Variants in PLA2G4A observed in about 807,000 individuals in gnomAD.
The protein encoded by PLA2G4A is phospholipase A2 group IVA, also known as cytosolic phospholipase A2.
A neutral mutation model predicts 81.9 loss-of-function variants in PLA2G4A; 40 were observed. The ratio of observed to expected loss-of-function variants is 0.49; its 90% CI spans 0.38 to 0.64. PLA2G4A has a LOEUF of 0.64. PLA2G4A is among the 30% of genes least tolerant of loss of function. The pLI, the probability that PLA2G4A is intolerant of heterozygous loss-of-function variation, is 0.00. For synonymous variants in PLA2G4A, 302 were observed against 296.9 expected, an observed-to-expected ratio of 1.02 and a Z score of -0.18; for missense variants, 715 against 905.1, an observed-to-expected ratio of 0.79 and a Z score of 2.69.
At position 186,956,247 on chromosome 1, in the gene PLA2G4A, G is replaced by A. The variant is rs745961840; in HGVS notation, c.1482G>A (p.Leu494=). The A allele has an allele frequency of 3.1e-6, 5 of 1,613,534 alleles. No individual in the cohort carries two copies. In the Admixed American group the frequency reaches 5.0e-5, roughly 16 times the overall value. Residue 494 remains leucine, a synonymous_variant, in exon 14 of 18, where the codon CTG becomes CTA. Coordinates refer to ENST00000367466, the MANE Select transcript of PLA2G4A (RefSeq NM_024420.3). ...GRAGKVHNFM[L]GLNLNTSYPL... ...CTGGGAAGGTACACAACTTCATGCT[G>A]GGCTTGAATCTCAATACATCTTATC...
At chr1:186,847,032 A>G (rs1473843621) in intron 1 of PLA2G4A, among the ~76,000 whole-genome samples, 1 of 152,008 alleles carries the variant, frequency 6.6e-6, no homozygotes, top group Non-Finnish European at 1.5e-5. Context: ...ATTTATTGCT[A>G]TGTAAATGCT....
At chr1:186,939,954 C>A in intron 9 of PLA2G4A, 26 bp from the exon 10 acceptor site, 1 of 1,029,742 alleles carries the variant, frequency 9.7e-7, no homozygotes. Flanking sequence ...AATTTAAAGT[C>A]ATCTTTTTCT....
chr1:186,868,508 G>A (rs115266095), intron 2 of PLA2G4A, among the ~76,000 whole-genome samples: 363 of 152,284 alleles, frequency 2.4e-3, no homozygotes, highest in African/African-American at 8.3e-3. Context: ...TCTGGTTTTG[G>A]AATTAGGGTA....
chr1:186,928,247 G>A (rs1467392), intron 7 of PLA2G4A, among the ~76,000 whole-genome samples: 146,021 of 152,272 alleles, frequency 0.96, 70,055 homozygotes, highest in East Asian at 1. Context: ...GCTGAGAAAT[G>A]TAAGCTGTGA....
chr1:186,897,789 G>A (rs188890693), intron 5 of PLA2G4A, among the ~76,000 whole-genome samples: 9 of 152,262 alleles, frequency 5.9e-5, no homozygotes, highest in South Asian at 2.1e-4. Flanking sequence ...GATTGCAGGC[G>A]TGAGCCACCA....
intron 1 of PLA2G4A, among the ~76,000 whole-genome samples, chr1:186,834,101 T>G (rs551389383): frequency 6.6e-6 from 1 of 152,316 alleles, no homozygotes; most frequent in South Asian, 2.1e-4. Flanking sequence ...GTCATTAATA[T>G]GTATTCTTCT....
At chr1:186,938,489 ATTT>A (rs1656031930) in intron 8 of PLA2G4A, among the ~76,000 whole-genome samples, 1 of 152,104 alleles carries the variant, frequency 6.6e-6, no homozygotes, top group Non-Finnish European at 1.5e-5. Flanking sequence ...AAGATTTGAG[ATTT>A]TTGTCTAGTT....
chr1:186,860,280 T>C (rs762329034), intron 2 of PLA2G4A, among the ~76,000 whole-genome samples: 3 of 152,162 alleles, frequency 2.0e-5, no homozygotes, highest in Non-Finnish European at 4.4e-5. Context: ...TTATGGAGGC[T>C]GAGCAGTCCT....
chr1:186,889,772 G>GGCC (rs1654069269), intron 3 of PLA2G4A, among the ~76,000 whole-genome samples: 1 of 12,308 alleles, frequency 8.1e-5, no homozygotes, highest in Non-Finnish European at 1.6e-4. Context: ...TTTTTGTTTA[G>GGCC]ACCTCTGTAC....
intron 5 of PLA2G4A, among the ~76,000 whole-genome samples, chr1:186,894,538 A>T (rs1264986516): frequency 6.6e-6 from 1 of 152,196 alleles, no homozygotes; most frequent in Non-Finnish European, 1.5e-5. Flanking sequence ...ATAAAAAGAC[A>T]TGCAAAATCT....
intron 1 of PLA2G4A, among the ~76,000 whole-genome samples, chr1:186,834,832 T>C (rs1343992995): frequency 6.6e-6 from 1 of 152,194 alleles, no homozygotes; most frequent in Non-Finnish European, 1.5e-5. Context: ...CTACAGAACC[T>C]ATGGCTCTTT....
Position 186,956,542 on chromosome 1 carries a change from T to C in PLA2G4A, c.1579+198T>C, listed in dbSNP as rs535899703. ...GTTTGTTTGTATTTTTGAGACAGGG[T>C]CTCACCCAGTCACCCAGGCTGCAGT... On this transcript the variant is annotated intron_variant, in intron 14 of 17. Coordinates refer to ENST00000367466, the MANE Select transcript of PLA2G4A (RefSeq NM_024420.3). 2.6e-5 allele frequency among the ~76,000 whole-genome samples: 4 copies of C among 152,224 alleles called. No homozygotes were observed. In the South Asian group the frequency reaches 8.3e-4, roughly 32 times the overall value.
intron 1 of PLA2G4A, among the ~76,000 whole-genome samples, chr1:186,835,426 T>C (rs1169259934): frequency 6.6e-6 from 1 of 152,146 alleles, no homozygotes; most frequent in Non-Finnish European, 1.5e-5. Context: ...AAAAAAGTAA[T>C]TTGGAGCAAT....
At chr1:186,875,862 A>C (rs1653477965) in intron 3 of PLA2G4A, among the ~76,000 whole-genome samples, 1 of 152,118 alleles carries the variant, frequency 6.6e-6, no homozygotes, top group Non-Finnish European at 1.5e-5. Flanking sequence ...AGTTTAGGTA[A>C]ATCCTTGCTG....
chr1:186,925,119 C>G (rs1458795103), intron 7 of PLA2G4A, among the ~76,000 whole-genome samples: 1 of 152,096 alleles, frequency 6.6e-6, no homozygotes, highest in Non-Finnish European at 1.5e-5. Context: ...TAAGGACTTT[C>G]ACATGTGTAT....
At chr1:186,932,294 C>CT (rs67757094) in intron 7 of PLA2G4A, among the ~76,000 whole-genome samples, 39,860 of 138,456 alleles carry the variant, frequency 0.29, 7,083 homozygotes, top group African/African-American at 0.5. Context: ...TTTTCTTTTT[C>CT]TTTTTTTTTT....
intron 13 of PLA2G4A, among the ~76,000 whole-genome samples, chr1:186,954,575 A>G (rs1195467009): frequency 6.6e-6 from 1 of 152,056 alleles, no homozygotes; most frequent in Non-Finnish European, 1.5e-5. Context: ...GTACCCTATA[A>G]TTTTAAGTGT....
At position 186,977,737 on chromosome 1, in the gene PLA2G4A, A is replaced by G. The variant is rs28395831; in HGVS notation, c.1909A>G (p.Ile637Val). ...TGATATGGAGAAAGATTGCCCAACC[A>G]TCATCCACTTTGTTCTGGCCAACAT... ...NPDMEKDCPTIIHFVLANINF... is the reference protein window; with the variant it reads ...NPDMEKDCPTVIHFVLANINF... The change falls in exon 16 of 18, where the codon ATC (isoleucine) becomes GTC (valine). Residue 637 changes from isoleucine to valine, a missense_variant. By Grantham distance (29) the Ile-to-Val change is conservative. Transcript: ENST00000367466. 8.9e-3 allele frequency: 14,324 copies of G among 1,613,804 alleles called. 105 individuals are homozygous for G. The highest frequency in any genetic ancestry group is 0.044 in the Middle Eastern group (268 of 6,062).
chr1:186,835,153 A>C (rs112620748), intron 1 of PLA2G4A, among the ~76,000 whole-genome samples: 3,838 of 152,260 alleles, frequency 0.025, 71 homozygotes, highest in Middle Eastern at 0.041. Flanking sequence ...AAATTGACAC[A>C]CTTCTTATTT....
Sources: allele counts gnomAD v4.1 joint callset (sites outside exome capture counted in the v4.1 genomes callset), GRCh38; gene constraint gnomAD v4.1.1; transcripts MANE v1.5; gene names NCBI Gene and HGNC (gene_info 2026-07-23, HGNC 2026-07-21).